Variants in CHLSN observed in about 807,000 individuals in gnomAD.
CHLSN encodes the protein protein cholesin.
chr7:1,052,438 C>CG, the CHLSN span, among the ~76,000 whole-genome samples: 1 of 151,460 alleles, frequency 6.6e-6, no homozygotes, highest in African/African-American at 2.4e-5. This position sits in a 1 kb window ranked among gnomAD's most constrained non-coding sequence, Gnocchi z 4.2. Flanking sequence ...GGGAGGGTTT[C>CG]GGGGGGAGAT....
chr7:1,102,815 C>T, the CHLSN span, among the ~76,000 whole-genome samples: 2 of 152,190 alleles, frequency 1.3e-5, no homozygotes, highest in Non-Finnish European at 1.5e-5. Flanking sequence ...AAAGCAAGCA[C>T]GGCGTCAGCA....
At chr7:1,008,005 C>T in the CHLSN span, among the ~76,000 whole-genome samples, 1 of 152,172 alleles carries the variant, frequency 6.6e-6, no homozygotes, top group African/African-American at 2.4e-5. Flanking sequence ...ACAGTCCACA[C>T]TGAGAGCAGC....
At chr7:1,098,658 G>A in the CHLSN span, among the ~76,000 whole-genome samples, 1 of 146,598 alleles carries the variant, frequency 6.8e-6, no homozygotes. Context: ...AGACACGAGT[G>A]GAGCTGCCAC....
chr7:1,091,839 C>T, the CHLSN span: 3 of 1,609,422 alleles, frequency 1.9e-6, no homozygotes, highest in East Asian at 6.7e-5. Flanking sequence ...CCCACCCGCT[C>T]CTGGGCACCG....
At chr7:1,061,250 C>G in the CHLSN span, among the ~76,000 whole-genome samples, 1 of 152,162 alleles carries the variant, frequency 6.6e-6, no homozygotes, top group African/African-American at 2.4e-5. Flanking sequence ...TCATCCCACC[C>G]TGCTGGGTGG....
chr7:1,110,936 G>C, the CHLSN span, among the ~76,000 whole-genome samples: 1 of 152,164 alleles, frequency 6.6e-6, no homozygotes, highest in Non-Finnish European at 1.5e-5. Flanking sequence ...ATCACGCCAG[G>C]TGTGGTGGCA....
chr7:983,350 C>A, the CHLSN span: 1 of 1,537,390 alleles, frequency 6.5e-7, no homozygotes, highest in Non-Finnish European at 8.7e-7. Context: ...CCTGCACTTG[C>A]TGCGTCTGTC....
the CHLSN span, among the ~76,000 whole-genome samples, chr7:981,225 G>A: frequency 4.0e-5 from 6 of 150,872 alleles, no homozygotes; most frequent in South Asian, 1.3e-3. Context: ...GAACACGGGC[G>A]ATGGAGGTTG....
the CHLSN span, among the ~76,000 whole-genome samples, chr7:988,068 C>G: frequency 7.5e-6 from 1 of 133,926 alleles, no homozygotes; most frequent in Non-Finnish European, 1.6e-5. Flanking sequence ...CTCCATGCAT[C>G]CTGGGTGTCC....
chr7:995,801 C>T, the CHLSN span, among the ~76,000 whole-genome samples: 1 of 152,254 alleles, frequency 6.6e-6, no homozygotes, highest in African/African-American at 2.4e-5. Flanking sequence ...CCGGCAAGGC[C>T]CGCCCTGGGC....
At chr7:1,100,205 C>A in the CHLSN span, among the ~76,000 whole-genome samples, 1 of 152,192 alleles carries the variant, frequency 6.6e-6, no homozygotes, top group Non-Finnish European at 1.5e-5. Context: ...GCACCCTGCC[C>A]CGTATGAGCC....
At chr7:1,111,054 C>T in the CHLSN span, among the ~76,000 whole-genome samples, 1 of 152,006 alleles carries the variant, frequency 6.6e-6, no homozygotes, top group Non-Finnish European at 1.5e-5. Context: ...CCAGCCTGGG[C>T]GACAGAGCGA....
At chr7:1,092,556 C>T in the CHLSN span, 10 of 1,609,794 alleles carry the variant, frequency 6.2e-6, no homozygotes, top group East Asian at 2.2e-5. Context: ...TGCCGGAGAA[C>T]GTCTTCATCA....
At chr7:1,023,575 A>G in the CHLSN span, among the ~76,000 whole-genome samples, 7 of 148,058 alleles carry the variant, frequency 4.7e-5, no homozygotes, top group Non-Finnish European at 1.0e-4. This position sits in a 1 kb window ranked among gnomAD's most constrained non-coding sequence, Gnocchi z 5.0. Context: ...ACTCCTTCCC[A>G]CTGGGCCCTG....
chr7:1,007,157 C>T, the CHLSN span, among the ~76,000 whole-genome samples: 1 of 152,136 alleles, frequency 6.6e-6, no homozygotes. Flanking sequence ...GGAAACTCTC[C>T]ACCATGAGGG....
At chr7:1,052,060 C>T in the CHLSN span, among the ~76,000 whole-genome samples, 5 of 152,242 alleles carry the variant, frequency 3.3e-5, no homozygotes, top group African/African-American at 1.2e-4. The surrounding 1 kb of genome is among the most constrained non-coding windows in gnomAD (Gnocchi z 4.2). Context: ...GAAAATAAAA[C>T]GATTGAAACT....
At chr7:1,000,860 AG>A in the CHLSN span, among the ~76,000 whole-genome samples, 5 of 152,244 alleles carry the variant, frequency 3.3e-5, no homozygotes, top group Non-Finnish European at 7.4e-5. Flanking sequence ...CGGATTTTAC[AG>A]GGGGGGAAGG....
the CHLSN span, among the ~76,000 whole-genome samples, chr7:1,079,348 C>A: frequency 6.6e-6 from 1 of 152,186 alleles, no homozygotes; most frequent in Admixed American, 6.5e-5. Flanking sequence ...TCAAATCACA[C>A]GAGAATTGTG....
chr7:1,105,326 G>A, the CHLSN span, among the ~76,000 whole-genome samples: 2 of 152,356 alleles, frequency 1.3e-5, no homozygotes, highest in African/African-American at 4.8e-5. Context: ...CCAGGGTGCT[G>A]GCCCGGTTCT....
Sources: allele counts gnomAD v4.1 joint callset (sites outside exome capture counted in the v4.1 genomes callset), GRCh38; gene constraint gnomAD v4.1.1; non-coding constraint Gnocchi (gnomAD v3.1); transcripts MANE v1.5; gene names NCBI Gene and HGNC (gene_info 2026-07-23, HGNC 2026-07-21).